The following SCD5 variants were observed in gnomAD, a reference collection of about 807,000 sequenced individuals.
The protein encoded by SCD5 is acyl-CoA-desaturase 4.
SCD5 carries 20 observed loss-of-function variants against 30.4 expected under a neutral mutation model. The ratio of observed to expected loss-of-function variants is 0.66; its 90% CI spans 0.46 to 0.96. SCD5 has a LOEUF of 0.96. Among genes scored for constraint, SCD5 ranks in the 40% least tolerant of loss-of-function variants. The probability of loss-of-function intolerance (pLI) is 0.00; values close to 1 mark genes in which losing one functional copy is unlikely to be tolerated. For missense variants in SCD5, 381 were observed against 443.3 expected (o/e 0.86, Z 1.26); for synonymous variants, 173 against 176.4 (o/e 0.98, Z 0.16).
intron 1 of SCD5, among the ~76,000 whole-genome samples, chr4:82,773,813 T>C (rs74839599): frequency 0.049 from 7,520 of 152,040 alleles, 259 homozygotes; most frequent in Middle Eastern, 0.092. Flanking sequence ...AAAATGCACA[T>C]AGAGGCCGGG....
Position 82,779,129 on chromosome 4 carries a change from C to T in SCD5, c.232+19177G>A, listed in dbSNP as rs566281083. The stretch of plus-strand genomic sequence containing the variant: ...ATCCACCCGCCTCGGCCTCCCAAAG[C>T]GCTGGGATTACAGGCGTGAGTCACT... On this transcript the variant is annotated intron_variant, in intron 1 of 4. Transcript: ENST00000319540. Among the ~76,000 whole-genome samples the T allele has an allele frequency of 2.4e-4, 36 of 152,162 alleles. No homozygotes were observed. The South Asian group carries it at 5.8e-3, about 25-fold the overall frequency.
chr4:82,747,005 G>A (rs943938845), intron 1 of SCD5, among the ~76,000 whole-genome samples: 3 of 151,636 alleles, frequency 2.0e-5, no homozygotes, highest in African/African-American at 4.8e-5. Flanking sequence ...CAGCAACAGT[G>A]GAATGACACA....
intron 1 of SCD5, among the ~76,000 whole-genome samples, chr4:82,717,853 T>C (rs1197080482): frequency 6.6e-6 from 1 of 151,440 alleles, no homozygotes; most frequent in Non-Finnish European, 1.5e-5. Context: ...GAGGCAGAGG[T>C]TGCAGTGAGC....
intron 1 of SCD5, among the ~76,000 whole-genome samples, chr4:82,779,515 G>C (rs1721824970): frequency 6.6e-6 from 1 of 152,234 alleles, no homozygotes; most frequent in South Asian, 2.1e-4. Context: ...CAGCCACCAG[G>C]CATGCATCAG....
At chr4:82,674,230 T>C (rs1728389068) in intron 3 of SCD5, among the ~76,000 whole-genome samples, 1 of 152,102 alleles carries the variant, frequency 6.6e-6, no homozygotes, top group African/African-American at 2.4e-5. Context: ...AGGAATAAAA[T>C]ATTTGCAAAA....
chr4:82,682,142 C>A (rs1728590422), intron 2 of SCD5, among the ~76,000 whole-genome samples: 1 of 152,188 alleles, frequency 6.6e-6, no homozygotes, highest in African/African-American at 2.4e-5. Flanking sequence ...CTCACTGGAG[C>A]CCTGAGACAG....
chr4:82,644,008 T>A (rs1727593638), intron 3 of SCD5, among the ~76,000 whole-genome samples: 1 of 152,214 alleles, frequency 6.6e-6, no homozygotes, highest in Non-Finnish European at 1.5e-5. Flanking sequence ...GATGTCCTAT[T>A]GTTGAAGCCA....
At chr4:82,705,538 A>C in intron 1 of SCD5, 125 bp from the exon 2 acceptor site, 1 of 1,296,958 alleles carries the variant, frequency 7.7e-7, no homozygotes, top group South Asian at 1.5e-5. Context: ...TGCAACATGA[A>C]GAATCAATAA....
At chr4:82,754,147 T>C (rs1436555311) in intron 1 of SCD5, among the ~76,000 whole-genome samples, 1 of 151,962 alleles carries the variant, frequency 6.6e-6, no homozygotes, top group African/African-American at 2.4e-5. Flanking sequence ...GGAAAACTTA[T>C]CTCCCCGTTT....
chr4:82,736,564 C>T (rs897862618), intron 1 of SCD5, among the ~76,000 whole-genome samples: 14 of 151,802 alleles, frequency 9.2e-5, no homozygotes, highest in South Asian at 4.2e-4. Flanking sequence ...GCCCAGATCG[C>T]GCCATTGCAC....
At chr4:82,716,181 CT>C (rs1720222528) in intron 1 of SCD5, among the ~76,000 whole-genome samples, 1 of 151,750 alleles carries the variant, frequency 6.6e-6, no homozygotes, top group Non-Finnish European at 1.5e-5. Flanking sequence ...CACAAAGCTT[CT>C]CTTCCGGGTG....
At position 82,794,886 on chromosome 4, in the gene SCD5, T is replaced by C. The variant is rs1722177892; in HGVS notation, c.232+3420A>G. Among the ~76,000 whole-genome samples the C allele has an allele frequency of 3.9e-5, 6 of 152,046 alleles. 1 individual carries two copies. The South Asian group carries it at 1.2e-3, about 32-fold the overall frequency. ...GAGGATGGTCTCGATCTCCTGACCT[T>C]GTGATCAGCCCGCCTCGGCCTCCCA... On this transcript the variant is annotated intron_variant, in intron 1 of 4. Transcript: ENST00000319540.
chr4:82,658,285 T>C (rs1435120181), intron 3 of SCD5, among the ~76,000 whole-genome samples: 1 of 152,148 alleles, frequency 6.6e-6, no homozygotes, highest in African/African-American at 2.4e-5. Flanking sequence ...ACCTAGTTTA[T>C]TGAGAGTTTT....
At chr4:82,714,196 C>T (rs1437518800) in intron 1 of SCD5, among the ~76,000 whole-genome samples, 3 of 152,152 alleles carry the variant, frequency 2.0e-5, no homozygotes, top group Non-Finnish European at 4.4e-5. Context: ...CTCTCTTGAC[C>T]CCACTTCCCC....
intron 1 of SCD5, among the ~76,000 whole-genome samples, chr4:82,786,075 A>G (rs1215801317): frequency 1.3e-5 from 2 of 152,216 alleles, no homozygotes; most frequent in African/African-American, 2.4e-5. Flanking sequence ...TTTGAAAGTA[A>G]GAATATTTTC....
chr4:82,680,987 T>G, intron 2 of SCD5, 75 bp from the exon 3 acceptor site: 1 of 1,269,168 alleles, frequency 7.9e-7, no homozygotes, highest in Non-Finnish European at 1.1e-6. Flanking sequence ...CTTCCCAGCC[T>G]CCCCTCCCCC....
intron 3 of SCD5, among the ~76,000 whole-genome samples, chr4:82,667,476 G>A (rs1728216573): frequency 6.6e-6 from 1 of 152,132 alleles, no homozygotes; most frequent in African/African-American, 2.4e-5. Context: ...TTTTGGTGTT[G>A]ATGCTGTAAC....
At chr4:82,672,930 A>T (rs1295812435) in intron 3 of SCD5, among the ~76,000 whole-genome samples, 1 of 152,116 alleles carries the variant, frequency 6.6e-6, no homozygotes, top group Admixed American at 6.6e-5. Context: ...ATTACAGGCT[A>T]AAGAAGAAAA....
chr4:82,678,604 G>A (rs1219270213), intron 3 of SCD5, among the ~76,000 whole-genome samples: 1 of 152,168 alleles, frequency 6.6e-6, no homozygotes. Flanking sequence ...CAGAATGATG[G>A]TTAAATAAAC....
Sources: allele counts gnomAD v4.1 joint callset (sites outside exome capture counted in the v4.1 genomes callset), GRCh38; gene constraint gnomAD v4.1.1; transcripts MANE v1.5; gene names NCBI Gene and HGNC (gene_info 2026-07-23, HGNC 2026-07-21).